The following MBD5 variants were observed in gnomAD, a reference collection of about 807,000 sequenced individuals.
MBD5 encodes methyl-CpG-binding domain protein 5.
A neutral mutation model predicts 117.3 loss-of-function variants in MBD5; 13 were observed. The ratio of observed to expected loss-of-function variants is 0.11; its 90% confidence interval spans 0.07 to 0.18. The LOEUF (loss-of-function observed/expected upper bound fraction) is 0.18. Ranked by LOEUF, MBD5 falls within the 10% of genes least tolerant of loss-of-function variation. The pLI is 1.00. For missense variants in MBD5, 1,879 were observed against 2,093.8 expected (o/e 0.90, Z 2.00); for synonymous variants, 727 against 766.4 (o/e 0.95, Z 0.85).
chr2:148,511,519 T>A (rs1185076151), intron 13 of MBD5, among the ~76,000 whole-genome samples: 1 of 152,238 alleles, frequency 6.6e-6, no homozygotes, highest in East Asian at 1.9e-4. Context: ...GGAAATTGTG[T>A]TCATGTTGCA....
At chr2:148,119,846 A>T (rs1696723930) in intron 1 of MBD5, among the ~76,000 whole-genome samples, 1 of 151,306 alleles carries the variant, frequency 6.6e-6, no homozygotes, top group Non-Finnish European at 1.5e-5. Context: ...TGTTCCATTA[A>T]TCTATATGTC....
At chr2:148,444,919 G>T (rs921153578) in intron 4 of MBD5, among the ~76,000 whole-genome samples, 3 of 150,256 alleles carry the variant, frequency 2.0e-5, no homozygotes, top group Non-Finnish European at 2.9e-5. Flanking sequence ...TCCAATACTT[G>T]CACCATTAAT....
intron 2 of MBD5, among the ~76,000 whole-genome samples, chr2:148,214,717 ACTGT>A (rs1196250712): frequency 3.9e-5 from 6 of 152,232 alleles, no homozygotes; most frequent in Non-Finnish European, 7.4e-5. Flanking sequence ...AAATTTCAAC[ACTGT>A]CTGCTGTGAA....
intron 4 of MBD5, among the ~76,000 whole-genome samples, chr2:148,439,169 A>G (rs1379964926): frequency 6.6e-6 from 1 of 152,158 alleles, no homozygotes; most frequent in African/African-American, 2.4e-5. Context: ...GACTTTCAGG[A>G]TTTCAGCATT....
chr2:148,178,184 G>A lies in MBD5; in HGVS notation c.-924-516G>A, dbSNP rs1316717337. On this transcript the variant is annotated intron_variant, in intron 1 of 13. Transcript: ENST00000642680. ...TTTTTTATGCTAAGTTTAGCAGGTT[G>A]GTGTAAAGTACTGACTGGGGAGATT... is the stretch of plus-strand genomic sequence containing the variant. Among the ~76,000 whole-genome samples, 3 of 152,000 alleles carry A rather than the reference G, an allele frequency of 2.0e-5. 1 individual carries two copies. The highest frequency in any genetic ancestry group is 4.4e-5 in the Non-Finnish European group (3 of 67,998).
chr2:148,382,600 T>C (rs1438536573), intron 4 of MBD5, among the ~76,000 whole-genome samples: 1 of 152,052 alleles, frequency 6.6e-6, no homozygotes, highest in Non-Finnish European at 1.5e-5. Flanking sequence ...CTGCACCAAG[T>C]GGACCTAATA....
chr2:148,250,760 T>C (rs1700446712), intron 3 of MBD5, among the ~76,000 whole-genome samples: 1 of 152,176 alleles, frequency 6.6e-6, no homozygotes, highest in Non-Finnish European at 1.5e-5. Context: ...AGAGAAATGT[T>C]ATTATTCTTA....
intron 4 of MBD5, among the ~76,000 whole-genome samples, chr2:148,456,190 C>A (rs1213607488): frequency 2.6e-5 from 4 of 152,092 alleles, no homozygotes; most frequent in Non-Finnish European, 5.9e-5. Context: ...GGCTTATAAA[C>A]AACATAAACT....
intron 1 of MBD5, among the ~76,000 whole-genome samples, chr2:148,075,633 G>T (rs1695490071): frequency 6.7e-6 from 1 of 150,238 alleles, no homozygotes; most frequent in African/African-American, 2.5e-5. Context: ...ACTTCTTGTG[G>T]GTCTTTTTTT....
At chr2:148,462,835 A>G (rs1433579468) in intron 6 of MBD5, 151 bp downstream of exon 6, 1 of 639,096 alleles carries the variant, frequency 1.6e-6, no homozygotes, top group African/African-American at 1.8e-5. Flanking sequence ...TGTGTTTTGG[A>G]ATGCTTAAAA....
intron 1 of MBD5, among the ~76,000 whole-genome samples, chr2:148,164,204 C>T (rs1466093873): frequency 1.3e-5 from 2 of 152,100 alleles, no homozygotes; most frequent in African/African-American, 2.4e-5. Flanking sequence ...TGTAATGTAG[C>T]CTCTATAACT....
chr2:148,445,693 A>G (rs1706483094), intron 4 of MBD5, among the ~76,000 whole-genome samples: 1 of 151,300 alleles, frequency 6.6e-6, no homozygotes, highest in Non-Finnish European at 1.5e-5. Flanking sequence ...CTAGTTCTAG[A>G]TCCTTGAGGA....
At chr2:148,247,532 C>T (rs1439806262) in intron 3 of MBD5, among the ~76,000 whole-genome samples, 1 of 152,120 alleles carries the variant, frequency 6.6e-6, no homozygotes, top group Non-Finnish European at 1.5e-5. Context: ...CTTTAACAAA[C>T]ATAACAGCTA....
At chr2:148,452,788 C>T (rs1706767641) in intron 4 of MBD5, among the ~76,000 whole-genome samples, 1 of 152,094 alleles carries the variant, frequency 6.6e-6, no homozygotes, top group Non-Finnish European at 1.5e-5. Context: ...CTTGGAAGCC[C>T]TGTCACACTT....
chr2:148,385,803 C>A (rs1355619358), intron 4 of MBD5, among the ~76,000 whole-genome samples: 2 of 151,652 alleles, frequency 1.3e-5, no homozygotes, highest in Non-Finnish European at 2.9e-5. Flanking sequence ...AGTTCATGTC[C>A]TTAGTAGGGA....
At chr2:148,148,534 T>C (rs1003552524) in intron 1 of MBD5, among the ~76,000 whole-genome samples, 9 of 152,250 alleles carry the variant, frequency 5.9e-5, no homozygotes, top group African/African-American at 2.2e-4. Context: ...GCCAGTGTTA[T>C]TACCTCAAAG....
At chr2:148,459,616 A>G (rs946311206) in intron 5 of MBD5, among the ~76,000 whole-genome samples, 3 of 152,224 alleles carry the variant, frequency 2.0e-5, no homozygotes, top group Non-Finnish European at 4.4e-5. Context: ...AAAATTTTAG[A>G]AACAACTTAA....
intron 4 of MBD5, among the ~76,000 whole-genome samples, chr2:148,366,441 A>T (rs112292298): frequency 0.013 from 1,950 of 152,276 alleles, 52 homozygotes; most frequent in African/African-American, 0.045. Context: ...CTCTGTCACC[A>T]TTCCTATTCA....
At chr2:148,359,392 T>G (rs1481601931) in intron 4 of MBD5, among the ~76,000 whole-genome samples, 1 of 152,204 alleles carries the variant, frequency 6.6e-6, no homozygotes, top group Non-Finnish European at 1.5e-5. Context: ...ATTTTTGCTC[T>G]TTCTTTGTGC....
Sources: gnomAD v4.1 joint callset for allele counts (sites outside exome capture counted in the v4.1 genomes callset) on GRCh38, gnomAD v4.1.1 for gene constraint, MANE v1.5 for transcripts, NCBI Gene and HGNC (gene_info 2026-07-23, HGNC 2026-07-21) for gene names.